Variants in BMPR1B observed in about 807,000 individuals in gnomAD.
BMPR1B encodes the protein bone morphogenetic protein receptor type-1B.
A neutral mutation model predicts 59.1 loss-of-function variants in BMPR1B; 12 were observed. The ratio of observed to expected loss-of-function variants is 0.20; its 90% CI spans 0.13 to 0.33. The LOEUF is 0.33. BMPR1B is among the 10% of genes least tolerant of loss of function. The pLI, the probability that BMPR1B is intolerant of heterozygous loss-of-function variation, is 1.00. For synonymous variants in BMPR1B, 237 were observed against 207.3 expected (o/e 1.14, Z -1.23); for missense variants, 550 against 610.9 (o/e 0.90, Z 1.05).
At position 94,979,091 on chromosome 4, in the gene BMPR1B, A is replaced by G. The variant is rs1731138867; in HGVS notation, c.-112-16949A>G. Among the ~76,000 whole-genome samples, 3 of 152,128 alleles carry G rather than the reference A, an allele frequency of 2.0e-5. No individual in the cohort carries two copies. In the South Asian group the frequency reaches 6.2e-4, roughly 31 times the overall value. On this transcript the variant is annotated intron_variant, in intron 2 of 12. Transcript: ENST00000515059. ...TCTTTGTCTTACTCACTATCATGAG[A>G]ACAACACAGGAAAACCCACCCCTAT...
chr4:95,089,885 A>G (rs1403534894), intron 3 of BMPR1B, among the ~76,000 whole-genome samples: 1 of 152,162 alleles, frequency 6.6e-6, no homozygotes, highest in Non-Finnish European at 1.5e-5. Flanking sequence ...CTAGACTTAC[A>G]TATATCCAGG....
chr4:94,934,230 C>T (rs1037741272), intron 2 of BMPR1B, among the ~76,000 whole-genome samples: 1 of 152,216 alleles, frequency 6.6e-6, no homozygotes, highest in African/African-American at 2.4e-5. Context: ...CTCTTTAGTG[C>T]TAAGTCATAG....
At chr4:94,859,918 C>G (rs933385065) in intron 1 of BMPR1B, among the ~76,000 whole-genome samples, 6 of 152,038 alleles carry the variant, frequency 3.9e-5, no homozygotes, top group Non-Finnish European at 5.9e-5. Context: ...CTTCCTTTTC[C>G]TGGGTCTCCA....
chr4:94,807,707 CAG>C (rs1184900987), intron 1 of BMPR1B, among the ~76,000 whole-genome samples: 2 of 152,126 alleles, frequency 1.3e-5, no homozygotes, highest in Non-Finnish European at 2.9e-5. Flanking sequence ...TTTATTGAGA[CAG>C]AGTCTCATTC....
intron 3 of BMPR1B, among the ~76,000 whole-genome samples, chr4:95,043,917 G>A (rs1725852220): frequency 6.6e-6 from 1 of 152,138 alleles, no homozygotes; most frequent in Non-Finnish European, 1.5e-5. Flanking sequence ...AAAATGGTTT[G>A]TGTTGTTGAC....
chr4:95,047,145 A>G (rs1207166000), intron 3 of BMPR1B, among the ~76,000 whole-genome samples: 3 of 152,208 alleles, frequency 2.0e-5, no homozygotes, highest in African/African-American at 7.2e-5. Flanking sequence ...CCTGCTATTA[A>G]CATTTGACCT....
rs145614223 is a variant in BMPR1B, at chr4:95,074,760, G to C, written c.-17-29648G>C. On this transcript the variant is annotated intron_variant, in intron 3 of 12. Transcript: ENST00000515059. The stretch of plus-strand genomic sequence containing the variant: ...TATGCTGTTTTTGCTGCTACTCTAG[G>C]TAAATTACTGTTATTTAGTAATGGA... Among the ~76,000 whole-genome samples the C allele has an allele frequency of 5.6e-3, 845 of 151,990 alleles. 10 individuals are homozygous for C. Among genetic ancestry groups the C allele is most frequent in the African/African-American group, 0.02 (815 of 41,446 alleles).
chr4:95,098,632 G>A (rs998794452), intron 3 of BMPR1B, among the ~76,000 whole-genome samples: 9 of 151,670 alleles, frequency 5.9e-5, no homozygotes, highest in African/African-American at 1.2e-4. Context: ...TTTTCTTAGC[G>A]TTTAAGGTGA....
chr4:94,843,629 G>T (rs1157322482), intron 1 of BMPR1B, among the ~76,000 whole-genome samples: 1 of 151,926 alleles, frequency 6.6e-6, no homozygotes, highest in Non-Finnish European at 1.5e-5. Context: ...TTGATCTTTT[G>T]GTTATTATTG....
At chr4:94,995,508 A>G (rs1469910925) in intron 2 of BMPR1B, among the ~76,000 whole-genome samples, 9 of 152,214 alleles carry the variant, frequency 5.9e-5, no homozygotes, top group Non-Finnish European at 1.0e-4. Flanking sequence ...ATTAAGTTTT[A>G]TAAAGCTTGA....
intron 3 of BMPR1B, among the ~76,000 whole-genome samples, chr4:95,036,805 G>A (rs540934801): frequency 6.8e-6 from 1 of 146,734 alleles, no homozygotes; most frequent in Admixed American, 7.0e-5. Flanking sequence ...ACTGTTTTCT[G>A]TAGTGGTTGT....
chr4:94,904,142 G>T (rs902749976), intron 2 of BMPR1B, among the ~76,000 whole-genome samples: 2 of 151,916 alleles, frequency 1.3e-5, no homozygotes, highest in African/African-American at 4.8e-5. Flanking sequence ...CTTCATGTTT[G>T]TGTCATTCTT....
chr4:95,142,337 C>T (rs6851290), intron 10 of BMPR1B, among the ~76,000 whole-genome samples: 2,598 of 152,202 alleles, frequency 0.017, 76 homozygotes, highest in African/African-American at 0.059. Flanking sequence ...AATCATCTTG[C>T]TGAGAGAGGA....
chr4:94,925,910 A>G (rs1728865474), intron 2 of BMPR1B, among the ~76,000 whole-genome samples: 3 of 152,072 alleles, frequency 2.0e-5, no homozygotes, highest in Non-Finnish European at 4.4e-5. Flanking sequence ...AGTTTTCAGC[A>G]ATCCAATTTC....
intron 2 of BMPR1B, among the ~76,000 whole-genome samples, chr4:94,943,110 G>A (rs1026010843): frequency 2.6e-4 from 39 of 151,978 alleles, no homozygotes; most frequent in African/African-American, 8.4e-4. Context: ...AGATGGCTCT[G>A]GAAATCAGTC....
chr4:94,968,060 A>C (rs1053449897), intron 2 of BMPR1B, among the ~76,000 whole-genome samples: 3 of 152,194 alleles, frequency 2.0e-5, no homozygotes, highest in South Asian at 2.1e-4. Context: ...AATATAAACT[A>C]TGCTTGTAAC....
intron 2 of BMPR1B, among the ~76,000 whole-genome samples, chr4:94,912,297 T>C (rs1728307246): frequency 1.3e-5 from 2 of 152,220 alleles, no homozygotes; most frequent in South Asian, 4.1e-4. Context: ...TGTTTTCTCA[T>C]TTAAGTAAAG....
At chr4:95,031,312 G>C (rs1029254359) in intron 3 of BMPR1B, among the ~76,000 whole-genome samples, 1 of 152,128 alleles carries the variant, frequency 6.6e-6, no homozygotes, top group African/African-American at 2.4e-5. Context: ...TGGCACATTA[G>C]AGAGGAATGT....
At chr4:94,856,179 G>T (rs749584575) in intron 1 of BMPR1B, among the ~76,000 whole-genome samples, 1 of 152,150 alleles carries the variant, frequency 6.6e-6, no homozygotes, top group Non-Finnish European at 1.5e-5. Flanking sequence ...GGTAGTTTTT[G>T]TTGTTGTTGT....
Sources: gnomAD v4.1 joint callset for allele counts (sites outside exome capture counted in the v4.1 genomes callset) on GRCh38, gnomAD v4.1.1 for gene constraint, MANE v1.5 for transcripts, NCBI Gene and HGNC (gene_info 2026-07-23, HGNC 2026-07-21) for gene names.